The following AGR2 variants were observed in gnomAD, a reference collection of about 807,000 sequenced individuals.
The protein encoded by AGR2 is anterior gradient 2, protein disulphide isomerase family member.
AGR2 carries 27 observed loss-of-function variants against 25.9 expected under a neutral mutation model. That is an observed-to-expected ratio of 1.04 (90% CI 0.77 to 1.44). The LOEUF is 1.44. Ranked by LOEUF, AGR2 falls within the 40% of genes most tolerant of loss-of-function variation. The pLI is 0.00. For missense variants in AGR2, 182 were observed against 200.9 expected, an observed-to-expected ratio of 0.91 and a Z score of 0.57; for synonymous variants, 78 against 72.0, an observed-to-expected ratio of 1.08 and a Z score of -0.42.
intron 7 of AGR2, among the ~76,000 whole-genome samples, chr7:16,793,379 A>T (rs1343280111): frequency 6.6e-6 from 1 of 152,166 alleles, no homozygotes; most frequent in African/African-American, 2.4e-5. Context: ...TGAGGTGAAT[A>T]GTTGGTAATC....
rs751938242 is a variant in AGR2, at chr7:16,801,221, T to G, written c.204-18A>C. The G allele has an allele frequency of 1.3e-5, 21 of 1,613,416 alleles. No homozygotes were observed. Among genetic ancestry groups the G allele is most frequent in the Admixed American group, 6.7e-5 (4 of 59,966 alleles). The stretch of plus-strand genomic sequence containing the variant: ...GTTTGTTGCTTTAAAAGACAGAGAT[T>G]AGACAAATTTTAATGAGTAAGATTT... On this transcript the variant is annotated intron_variant, in intron 3 of 7. Transcript: ENST00000419304.
rs187547907 is a variant in AGR2, at chr7:16,796,161, C to A, written c.395-1142G>T. The stretch of plus-strand genomic sequence containing the variant: ...TGGGCAACTTGATCTTTAAAATCCT[C>A]CAGGTGATTCAAACATGTAGTCAGG... On this transcript the variant is annotated intron_variant, in intron 6 of 7. Transcript: ENST00000419304. Among the ~76,000 whole-genome samples, 256 of 152,234 alleles carry A rather than the reference C, an allele frequency of 1.7e-3. 1 individual carries two copies. Among genetic ancestry groups the A allele is most frequent in the Non-Finnish European group, 2.2e-3 (147 of 68,016 alleles).
chr7:16,801,548 A>G, intron 2 of AGR2, 110 bp downstream of exon 2: 1 of 1,463,398 alleles, frequency 6.8e-7, no homozygotes, highest in East Asian at 2.3e-5. Context: ...TAGAAGGAAC[A>G]CAACCAAAAA....
chr7:16,800,761 A>G (rs1785128038), intron 4 of AGR2, among the ~76,000 whole-genome samples: 1 of 152,204 alleles, frequency 6.6e-6, no homozygotes, highest in Admixed American at 6.5e-5. Flanking sequence ...TAAGACTTTT[A>G]AGACAATGAT....
chr7:16,804,249 G>GAC (rs755674470), intron 1 of AGR2, among the ~76,000 whole-genome samples: 1 of 147,446 alleles, frequency 6.8e-6, no homozygotes, highest in African/African-American at 2.5e-5. Context: ...ATAATTTGGA[G>GAC]ACACACACAG....
In AGR2 at chr7:16,792,695, C is replaced by T. The variant is rs997283286; in HGVS notation, c.*213G>A. ...TATTTTTTTTTTTAGAAAATCATGG[C>T]TCACTATGGTAGTATACAATATTGT... On this transcript the variant is annotated 3_prime_UTR_variant, in exon 8 of 8. Transcript: ENST00000419304. The T allele has an allele frequency of 2.1e-6, 1 of 485,302 alleles. No individual in the cohort carries two copies. Among genetic ancestry groups the T allele is most frequent in the East Asian group, 3.2e-5 (1 of 31,562 alleles). 30.1% of individuals were successfully genotyped at this position (485,302 alleles called of 1,614,324 possible).
In AGR2 at chr7:16,792,811, TGTTC is replaced by T. The variant is rs931859872; in HGVS notation, c.*93_*96del. The T allele has an allele frequency of 4.8e-6, 5 of 1,034,658 alleles. No individual in the cohort carries two copies. In the African/African-American group the frequency reaches 7.9e-5, roughly 16 times the overall value. 64.1% of individuals were successfully genotyped at this position (1,034,658 alleles called of 1,614,324 possible). A position where few individuals can be genotyped will look rare whatever the true frequency, so the allele number is the denominator to read the frequency against. ...ACATTAAACCATAACCTAATCAGTG[TGTTC>T]ACTATGCTTCCACACTAGCCAGTCT... On this transcript the variant is annotated 3_prime_UTR_variant, in exon 8 of 8. Transcript: ENST00000419304.
chr7:16,799,953 A>T (rs1232294912), intron 4 of AGR2, 136 bp from the exon 5 acceptor site: 1 of 624,854 alleles, frequency 1.6e-6, no homozygotes, highest in African/African-American at 1.8e-5. Flanking sequence ...GCCTTTTAGC[A>T]AATGATTAGT....
At chr7:16,801,276 C>T in intron 3 of AGR2, 44 bp downstream of exon 3, 6 of 1,608,260 alleles carry the variant, frequency 3.7e-6, no homozygotes, top group Non-Finnish European at 5.1e-6. Flanking sequence ...CTAGGTGGTG[C>T]TCTTGAGAGC....
intron 1 of AGR2, among the ~76,000 whole-genome samples, chr7:16,802,404 C>A (rs1189893862): frequency 2.6e-5 from 4 of 152,204 alleles, no homozygotes; most frequent in Non-Finnish European, 5.9e-5. Flanking sequence ...ACCTAACCCA[C>A]TGAACACCAC....
intron 4 of AGR2, among the ~76,000 whole-genome samples, chr7:16,800,686 T>C (rs915640441): frequency 1.7e-4 from 26 of 151,964 alleles, no homozygotes; most frequent in Non-Finnish European, 3.7e-4. Flanking sequence ...ATGGAGGCAA[T>C]AGGAAGTGGT....
chr7:16,795,976 G>A (rs1008074190), intron 6 of AGR2, among the ~76,000 whole-genome samples: 5 of 152,146 alleles, frequency 3.3e-5, no homozygotes, highest in African/African-American at 1.2e-4. Context: ...ACAAAGACAC[G>A]GTCTAATCTT....
chr7:16,801,051 A>T, intron 4 of AGR2, 100 bp downstream of exon 4: 1 of 824,680 alleles, frequency 1.2e-6, no homozygotes, highest in African/African-American at 1.7e-5. Context: ...TTCTTTCTTT[A>T]ATGCAACTGT....
At chr7:16,797,074 A>G (rs1785057277) in intron 6 of AGR2, among the ~76,000 whole-genome samples, 1 of 143,792 alleles carries the variant, frequency 7.0e-6, no homozygotes. Context: ...GGCTCCTGCA[A>G]CCACGCCTGG....
At chr7:16,804,693 C>T (rs1263705848) in intron 1 of AGR2, among the ~76,000 whole-genome samples, 1 of 152,042 alleles carries the variant, frequency 6.6e-6, no homozygotes, top group African/African-American at 2.4e-5. Context: ...AATTTTGTTT[C>T]GCAAAAGAGA....
At chr7:16,794,823 G>A (rs1785016676) in intron 7 of AGR2, 113 bp downstream of exon 7, 2 of 1,566,676 alleles carry the variant, frequency 1.3e-6, no homozygotes, top group African/African-American at 1.4e-5. Context: ...CTGAGTCCGA[G>A]GCGTCCCTAA....
chr7:16,803,789 T>TA (rs1007318222), intron 1 of AGR2, among the ~76,000 whole-genome samples: 16 of 152,202 alleles, frequency 1.1e-4, no homozygotes, highest in African/African-American at 2.7e-4. Context: ...TTTGTAATGT[T>TA]AAAAAAATCA....
chr7:16,795,126 A>G, intron 6 of AGR2, 107 bp from the exon 7 acceptor site: 2 of 1,222,016 alleles, frequency 1.6e-6, no homozygotes, highest in Non-Finnish European at 2.4e-6. Context: ...CTGTGAGGGA[A>G]TGGAGTGTGT....
In AGR2 at chr7:16,801,311, G is replaced by C. The variant is rs191403133; in HGVS notation, c.203+9C>G. The C allele has an allele frequency of 1.5e-4, 240 of 1,613,448 alleles. No individual in the cohort carries two copies. Among genetic ancestry groups the C allele is most frequent in the African/African-American group, 8.7e-4 (65 of 75,032 alleles). The stretch of plus-strand genomic sequence containing the variant: ...CTTTGAGGGAGCTCTGAGTAATCCT[G>C]ATCTTTACCTTGTCTTGGATTTATA... On this transcript the variant is annotated intron_variant, in intron 3 of 7. Coordinates refer to ENST00000419304, the MANE Select transcript of AGR2 (RefSeq NM_006408.4).
Sources: gnomAD v4.1 joint callset for allele counts (sites outside exome capture counted in the v4.1 genomes callset) on GRCh38, gnomAD v4.1.1 for gene constraint, MANE v1.5 for transcripts, NCBI Gene and HGNC (gene_info 2026-07-23, HGNC 2026-07-21) for gene names.